The following LRRC63 variants were observed in gnomAD, a reference collection of about 807,000 sequenced individuals.
LRRC63 encodes leucine rich repeat containing 63.
In LRRC63, 40 loss-of-function variants were observed where a neutral mutation model predicts 49.5. The observed-to-expected ratio is 0.81, with a 90% CI of 0.63 to 1.05. The LOEUF (loss-of-function observed/expected upper bound fraction) is 1.05. Among genes scored for constraint, LRRC63 ranks in the 50% least tolerant of loss-of-function variants. LRRC63 has a pLI of 0.00. For missense variants in LRRC63, 636 were observed against 663.1 expected, an observed-to-expected ratio of 0.96 and a Z score of 0.45; for synonymous variants, 191 against 221.1, an observed-to-expected ratio of 0.86 and a Z score of 1.21.
chr13:46,240,548 A>G (rs1167253680), intron 5 of LRRC63, among the ~76,000 whole-genome samples: 1 of 152,078 alleles, frequency 6.6e-6, no homozygotes, highest in East Asian at 1.9e-4. Flanking sequence ...AACTATCCCT[A>G]TTTGCAAATG....
At chr13:46,218,748 A>G (rs1594001486) in intron 2 of LRRC63, among the ~76,000 whole-genome samples, 1 of 151,904 alleles carries the variant, frequency 6.6e-6, no homozygotes, top group African/African-American at 2.4e-5. Context: ...ACCAGTTTTT[A>G]CCTTCCATAT....
At chr13:46,242,038 G>A (rs1357377453) in intron 5 of LRRC63, among the ~76,000 whole-genome samples, 1 of 152,076 alleles carries the variant, frequency 6.6e-6, no homozygotes, top group South Asian at 2.1e-4. Flanking sequence ...AGCACTATTT[G>A]TGATAACAAA....
At position 46,233,027 on chromosome 13, in the gene LRRC63, C is replaced by T. The variant is rs149348586; in HGVS notation, c.833-1165C>T. ...ACACAGCAGAACACTCTAACCATAA[C>T]CTACCATTCCTCCCAGAACTTTTGT... On this transcript the variant is annotated intron_variant, in intron 4 of 9. Coordinates refer to ENST00000595396, the Ensembl canonical transcript of LRRC63. Among the ~76,000 whole-genome samples the T allele has an allele frequency of 1.9e-4, 29 of 152,274 alleles. No homozygotes were observed. The East Asian group carries it at 4.6e-3, about 24-fold the overall frequency.
At chr13:46,272,616 G>T (rs1030940758) in intron 9 of LRRC63, among the ~76,000 whole-genome samples, 1 of 152,146 alleles carries the variant, frequency 6.6e-6, no homozygotes, top group Admixed American at 6.5e-5. Context: ...TAAATCTCAG[G>T]AATCTGTCTT....
chr13:46,225,992 T>A (rs923853573), intron 2 of LRRC63, among the ~76,000 whole-genome samples: 2 of 129,908 alleles, frequency 1.5e-5, no homozygotes, highest in African/African-American at 6.0e-5. Context: ...TTTTCCTTTT[T>A]CTTTTTTTTT....
chr13:46,258,124 CTTTTT>C (rs61630248), intron 7 of LRRC63, among the ~76,000 whole-genome samples: 101 of 100,584 alleles, frequency 1.0e-3, no homozygotes, highest in Non-Finnish European at 1.6e-3. Context: ...GTGACCTACT[CTTTTT>C]TTTTTTTTTT....
At chr13:46,240,370 G>A (rs761559335) in intron 5 of LRRC63, among the ~76,000 whole-genome samples, 9 of 151,808 alleles carry the variant, frequency 5.9e-5, no homozygotes, top group African/African-American at 9.7e-5. Flanking sequence ...CTCATGATCC[G>A]CCCACCTCGG....
At chr13:46,228,219 T>C in intron 3 of LRRC63, 30 bp downstream of exon 3, 2 of 1,442,258 alleles carry the variant, frequency 1.4e-6, no homozygotes, top group Non-Finnish European at 1.9e-6. Context: ...GGTATAATTA[T>C]AGAGTCAAGT....
exon 3 of LRRC63, chr13:46,227,671 G>C: frequency 7.1e-6 from 11 of 1,550,352 alleles, no homozygotes; most frequent in Non-Finnish European, 9.6e-6. Context: ...GTACAAGAAA[G>C]AGTGACTGCA....
At chr13:46,223,400 C>A (rs934079343) in intron 2 of LRRC63, among the ~76,000 whole-genome samples, 35 of 150,758 alleles carry the variant, frequency 2.3e-4, no homozygotes, top group Admixed American at 2.2e-3. Flanking sequence ...TCAGCATTTG[C>A]TTGTCTGGGA....
chr13:46,248,679 A>G (rs1157385694), intron 6 of LRRC63, among the ~76,000 whole-genome samples: 10 of 151,974 alleles, frequency 6.6e-5, no homozygotes, highest in Non-Finnish European at 1.0e-4. Flanking sequence ...AACTATAATA[A>G]TTGGACACTT....
intron 2 of LRRC63, among the ~76,000 whole-genome samples, chr13:46,216,204 G>C (rs1219482617): frequency 6.6e-6 from 1 of 152,138 alleles, no homozygotes; most frequent in Non-Finnish European, 1.5e-5. Context: ...AAATTACTTT[G>C]GGCAGTATGG....
exon 9 of LRRC63, chr13:46,266,947 G>C (rs1016455727): frequency 3.3e-5 from 51 of 1,542,076 alleles, no homozygotes; most frequent in Non-Finnish European, 4.5e-5. Context: ...TAAGATCCCA[G>C]TAGAAGTTCA....
intron 7 of LRRC63, among the ~76,000 whole-genome samples, chr13:46,259,842 G>T (rs568198679): frequency 6.6e-6 from 1 of 152,114 alleles, no homozygotes; most frequent in Admixed American, 6.5e-5. Context: ...TTATATCAGT[G>T]TGGTGGTCAT....
exon 3 of LRRC63, chr13:46,227,913 C>G (rs760333643): frequency 5.3e-4 from 822 of 1,550,624 alleles, no homozygotes; most frequent in Non-Finnish European, 7.0e-4. Flanking sequence ...TAAAAGTACT[C>G]CTGGCTCAGT....
rs529535676 is a variant in LRRC63, at chr13:46,240,884, A to G, written c.991-5643A>G. 2.0e-5 allele frequency among the ~76,000 whole-genome samples: 3 copies of G among 152,380 alleles called. 1 individual carries two copies. The highest frequency in any genetic ancestry group is 6.8e-3 in the Middle Eastern group (2 of 294). On this transcript the variant is annotated intron_variant, in intron 5 of 9. Transcript: ENST00000595396. ...TCCATGCTAATGGATAGGAAGAATC[A>G]GTATTATTAAAATGGCCATACTGAC...
chr13:46,232,186 T>C (rs1012615902), intron 4 of LRRC63, among the ~76,000 whole-genome samples: 1 of 152,190 alleles, frequency 6.6e-6, no homozygotes. Flanking sequence ...ATAGGAGATC[T>C]GCCCCCATGA....
chr13:46,214,989 C>T (rs1198554249), intron 2 of LRRC63, among the ~76,000 whole-genome samples: 1 of 152,220 alleles, frequency 6.6e-6, no homozygotes, highest in Non-Finnish European at 1.5e-5. Context: ...GTATGTACCA[C>T]ATTTTCTTTA....
chr13:46,214,973 T>G (rs910524163), intron 2 of LRRC63, among the ~76,000 whole-genome samples: 7 of 152,262 alleles, frequency 4.6e-5, no homozygotes, highest in Admixed American at 4.6e-4. Context: ...TAGTATTCCA[T>G]GATGTGTATG....
Sources: gnomAD v4.1 joint callset for allele counts (sites outside exome capture counted in the v4.1 genomes callset) on GRCh38, gnomAD v4.1.1 for gene constraint, MANE v1.5 for transcripts, NCBI Gene and HGNC (gene_info 2026-07-23, HGNC 2026-07-21) for gene names.